Variants in MMP28 observed in about 807,000 individuals in gnomAD.
MMP28 encodes matrix metalloproteinase-28.
In MMP28, 55 loss-of-function variants were observed where a neutral mutation model predicts 60.5. The ratio of observed to expected loss-of-function variants is 0.91; its 90% CI spans 0.73 to 1.14. MMP28 has a LOEUF of 1.14. Among genes scored for constraint, MMP28 ranks in the 50% most tolerant of loss-of-function variants. The pLI is 0.00. For synonymous variants in MMP28, 318 were observed against 312.5 expected, an observed-to-expected ratio of 1.02 and a Z score of -0.18; for missense variants, 686 against 738.3, an observed-to-expected ratio of 0.93 and a Z score of 0.82.
In MMP28 at chr17:35,770,228, C is replaced by T. The variant is rs533461832; in HGVS notation, c.689G>A (p.Arg230His). Reference sequence around the variant, plus strand: ...CAGCACCACGAACAGGTTGCGCCCGCGGCGGCGGCTCAGGGACCAGCGCTC... The same window carrying T: ...CAGCACCACGAACAGGTTGCGCCCGTGGCGGCGGCTCAGGGACCAGCGCTC... Reference protein sequence around the residue: ...QDERWSLSRRRGRNLFVVLAH... With the variant: ...QDERWSLSRRHGRNLFVVLAH... Residue 230 changes from arginine (R) to histidine (H), a missense_variant, in exon 5 of 8, where the codon CGC becomes CAC. Physicochemically the swap from Arg to His is conservative, Grantham distance 29. Coordinates refer to ENST00000605424, the MANE Select transcript of MMP28 (RefSeq NM_024302.5). The T allele has an allele frequency of 6.9e-6, 11 of 1,594,954 alleles. No homozygotes were observed. The African/African-American group carries it at 1.2e-4, about 17-fold the overall frequency.
At chr17:35,756,617 C>G (rs1555600525) in intron 2 of MMP28, among the ~76,000 whole-genome samples, 1 of 151,864 alleles carries the variant, frequency 6.6e-6, no homozygotes, top group Non-Finnish European at 1.5e-5. Flanking sequence ...ATTACAGGTA[C>G]ACCGTCACGC....
intron 7 of MMP28, 112 bp from the exon 8 acceptor site, chr17:35,767,006 T>C: frequency 1.0e-6 from 1 of 999,092 alleles, no homozygotes. Context: ...CCCACGATGG[T>C]TGGTATTCAT....
chr17:35,770,223 G>C lies in MMP28; in HGVS notation c.694C>G (p.Arg232Gly). The C allele has an allele frequency of 6.3e-7, 1 of 1,596,130 alleles. No homozygotes were observed. The highest frequency in any genetic ancestry group is 8.5e-7 in the Non-Finnish European group (1 of 1,176,388). ...ERWSLSRRRG[R>G]NLFVVLAHEI... The stretch of plus-strand genomic sequence containing the variant: ...TGCGCCAGCACCACGAACAGGTTGC[G>C]CCCGCGGCGGCGGCTCAGGGACCAG... The change falls in exon 5 of 8, where the codon CGC (arginine) becomes GGC (glycine). Residue 232 changes from arginine to glycine, a missense_variant. Transcript: ENST00000605424.
intron 1 of MMP28, among the ~76,000 whole-genome samples, chr17:35,780,765 G>T (rs920161644): frequency 6.6e-6 from 1 of 151,890 alleles, no homozygotes; most frequent in African/African-American, 2.4e-5. Flanking sequence ...AACCTGGGAG[G>T]CAGAGGTTGT....
intron 1 of MMP28, among the ~76,000 whole-genome samples, chr17:35,786,708 A>G (rs1279166427): frequency 6.6e-6 from 1 of 151,498 alleles, no homozygotes; most frequent in Non-Finnish European, 1.5e-5. Context: ...ACAAAAAAAA[A>G]AAAAAAAGAT....
chr17:35,767,079 A>G, intron 7 of MMP28, 185 bp from the exon 8 acceptor site: 1 of 722,646 alleles, frequency 1.4e-6, no homozygotes, highest in Non-Finnish European at 2.5e-6. Flanking sequence ...AGCAACTCCT[A>G]TTATTTATTG....
At chr17:35,757,925 T>C (rs1399248004) in intron 2 of MMP28, among the ~76,000 whole-genome samples, 1 of 152,202 alleles carries the variant, frequency 6.6e-6, no homozygotes, top group African/African-American at 2.4e-5. Flanking sequence ...TTGCCAGGAC[T>C]ATGGGTTCCC....
At position 35,768,398 on chromosome 17, in the gene MMP28, A is replaced by G. The variant is rs759509225; in HGVS notation, c.851-19T>C. The G allele has an allele frequency of 1.9e-6, 3 of 1,580,502 alleles. No homozygotes were observed. The East Asian group carries it at 6.7e-5, about 35-fold the overall frequency. On this transcript the variant is annotated intron_variant, in intron 5 of 7. Transcript: ENST00000605424. ...GGCTTCCCTTTGTGAGTAAGGAAAT[A>G]AGAGAGAGAGAGAACACACATAGGG...
At chr17:35,783,464 C>T (rs1207462927) in intron 1 of MMP28, among the ~76,000 whole-genome samples, 1 of 152,174 alleles carries the variant, frequency 6.6e-6, no homozygotes, top group Non-Finnish European at 1.5e-5. Flanking sequence ...CTTCCTTGTC[C>T]CCTCCCTTTC....
chr17:35,793,707 A>C (rs938015353), intron 1 of MMP28, among the ~76,000 whole-genome samples: 2 of 152,148 alleles, frequency 1.3e-5, no homozygotes, highest in Non-Finnish European at 2.9e-5. Flanking sequence ...TAGGGAGGAT[A>C]CTGAGAAGCT....
At chr17:35,792,872 A>G (rs1253755159) in intron 1 of MMP28, among the ~76,000 whole-genome samples, 1 of 152,242 alleles carries the variant, frequency 6.6e-6, no homozygotes, top group Non-Finnish European at 1.5e-5. Flanking sequence ...GAAACCATAC[A>G]ACAATCTTGT....
At chr17:35,792,978 G>A (rs2086857053) in intron 1 of MMP28, among the ~76,000 whole-genome samples, 1 of 152,040 alleles carries the variant, frequency 6.6e-6, no homozygotes, top group South Asian at 2.1e-4. Context: ...GGTTTGTCTG[G>A]CACTGAAGCT....
At chr17:35,768,823 A>AG (rs1172775898) in intron 5 of MMP28, among the ~76,000 whole-genome samples, 1 of 152,160 alleles carries the variant, frequency 6.6e-6, no homozygotes, top group Non-Finnish European at 1.5e-5. Context: ...AAGAAAAAAA[A>AG]AAGAGTTGTT....
intron 2 of MMP28, 64 bp downstream of exon 2, chr17:35,779,180 G>A (rs1297681588): frequency 8.9e-6 from 14 of 1,567,946 alleles, no homozygotes; most frequent in East Asian, 4.6e-5. Flanking sequence ...GAGGAGGGAG[G>A]AAATGGTCAG....
At chr17:35,792,560 G>A (rs543717035) in intron 1 of MMP28, among the ~76,000 whole-genome samples, 32 of 152,268 alleles carry the variant, frequency 2.1e-4, no homozygotes, top group Admixed American at 3.9e-4. Flanking sequence ...CTTAATAAAT[G>A]GTTGTTTTAC....
intron 1 of MMP28, among the ~76,000 whole-genome samples, chr17:35,787,256 T>C (rs2086678384): frequency 6.6e-6 from 1 of 152,144 alleles, no homozygotes; most frequent in Non-Finnish European, 1.5e-5. Context: ...GAACAGGTCG[T>C]CTAACAGGCC....
rs1168720366 is a variant in MMP28, at chr17:35,771,736, T to G, written c.605-1424A>C. On this transcript the variant is annotated intron_variant, in intron 4 of 7. Coordinates refer to ENST00000605424, the MANE Select transcript of MMP28 (RefSeq NM_024302.5). ...ATATATATATATATATATATATATA[T>G]ATATATATATATATATATAAAATTG... is the stretch of plus-strand genomic sequence containing the variant. Among the ~76,000 whole-genome samples, 2 of 92,456 alleles carry G rather than the reference T, an allele frequency of 2.2e-5. 1 individual carries two copies. Among genetic ancestry groups the G allele is most frequent in the Non-Finnish European group, 4.5e-5 (2 of 44,716 alleles). 60.7% of individuals were successfully genotyped at this position (92,456 alleles called of 152,430 possible). A position where few individuals can be genotyped will look rare whatever the true frequency, so the allele number is the denominator to read the frequency against.
chr17:35,788,619 G>A (rs916383912), intron 1 of MMP28, among the ~76,000 whole-genome samples: 1 of 152,084 alleles, frequency 6.6e-6, no homozygotes, highest in Non-Finnish European at 1.5e-5. Context: ...AAAGTCAAAC[G>A]AATGGCTCTG....
At chr17:35,778,813 G>A in intron 3 of MMP28, 75 bp downstream of exon 3, 1 of 1,613,040 alleles carries the variant, frequency 6.2e-7, no homozygotes. Flanking sequence ...CCAGTCCCAG[G>A]CTCAGCTGTT....
Sources: gnomAD v4.1 joint callset for allele counts (sites outside exome capture counted in the v4.1 genomes callset) on GRCh38, gnomAD v4.1.1 for gene constraint, MANE v1.5 for transcripts, NCBI Gene and HGNC (gene_info 2026-07-23, HGNC 2026-07-21) for gene names.